Variants in FKBP5 observed in about 807,000 individuals in gnomAD.
The protein encoded by FKBP5 is peptidyl-prolyl cis-trans isomerase FKBP5.
A neutral mutation model predicts 50.5 loss-of-function variants in FKBP5; 23 were observed. The ratio of observed to expected loss-of-function variants is 0.46; its 90% CI spans 0.33 to 0.65. The LOEUF (loss-of-function observed/expected upper bound fraction) is 0.65, where lower values mean the gene tolerates loss of function less well. FKBP5 is among the 30% of genes least tolerant of loss of function. The pLI is 0.02. For missense variants in FKBP5, 411 were observed against 553.1 expected, an observed-to-expected ratio of 0.74 and a Z score of 2.58; for synonymous variants, 176 against 190.6, an observed-to-expected ratio of 0.92 and a Z score of 0.63.
At chr6:35,684,441 G>T (rs1765766051) in intron 1 of FKBP5, among the ~76,000 whole-genome samples, 2 of 152,184 alleles carry the variant, frequency 1.3e-5, no homozygotes, top group African/African-American at 4.8e-5. Flanking sequence ...GCCTCCCAAA[G>T]TGCTGGCATT....
rs533317065 is a variant in FKBP5, at chr6:35,605,348, T to C, written c.509-7944A>G. ...CAATAAACTAAGCATCAAAGGAACA[T>C]ACTTCAAAATAATAAGAGCCACCTA... On this transcript the variant is annotated intron_variant, in intron 5 of 10. Coordinates refer to ENST00000357266, the MANE Select transcript of FKBP5 (RefSeq NM_004117.4). 4.2e-4 allele frequency among the ~76,000 whole-genome samples: 60 copies of C among 141,908 alleles called. 1 individual carries two copies. The highest frequency in any genetic ancestry group is 2.4e-3 in the Admixed American group (34 of 14,168). 93.1% of individuals were successfully genotyped at this position (141,908 alleles called of 152,430 possible).
intron 6 of FKBP5, among the ~76,000 whole-genome samples, chr6:35,593,977 A>G (rs997032177): frequency 6.6e-6 from 1 of 152,226 alleles, no homozygotes; most frequent in African/African-American, 2.4e-5. Flanking sequence ...TCAGTATTTA[A>G]AACAATACAA....
chr6:35,619,355 G>T, intron 4 of FKBP5, 145 bp from the exon 5 acceptor site: 13 of 457,698 alleles, frequency 2.8e-5, no homozygotes, highest in Non-Finnish European at 4.2e-5. Context: ...TTAATTATTG[G>T]AAAAGTAGCA....
intron 1 of FKBP5, among the ~76,000 whole-genome samples, chr6:35,654,967 G>A (rs558634032): frequency 6.6e-6 from 1 of 152,148 alleles, no homozygotes; most frequent in East Asian, 1.9e-4. Flanking sequence ...TGGGAGGGTC[G>A]CTTGAGCCCA....
At chr6:35,719,511 GA>G (rs1766568265) in intron 2 of FKBP5, among the ~76,000 whole-genome samples, 1 of 152,200 alleles carries the variant, frequency 6.6e-6, no homozygotes, top group African/African-American at 2.4e-5. Context: ...GCATCTAAAA[GA>G]TACACATACA....
intron 1 of FKBP5, among the ~76,000 whole-genome samples, chr6:35,666,629 G>A (rs1269560435): frequency 2.6e-5 from 4 of 152,030 alleles, no homozygotes; most frequent in Non-Finnish European, 4.4e-5. Flanking sequence ...GGTGGCTCAC[G>A]CCTGTAATCC....
chr6:35,701,107 C>G (rs1484683308), intron 2 of FKBP5, among the ~76,000 whole-genome samples: 1 of 152,022 alleles, frequency 6.6e-6, no homozygotes, highest in East Asian at 1.9e-4. Context: ...AAAAAGTATT[C>G]AGTGTTTATC....
chr6:35,639,846 C>G (rs1281610591), intron 2 of FKBP5, among the ~76,000 whole-genome samples: 1 of 152,188 alleles, frequency 6.6e-6, no homozygotes, highest in East Asian at 1.9e-4. Context: ...TATTAAAACT[C>G]AGCATCCTGG....
Position 35,640,873 on chromosome 6 carries a change from C to T in FKBP5, c.105+1847G>A, listed in dbSNP as rs951247556. Among the ~76,000 whole-genome samples, 5 of 152,178 alleles carry T rather than the reference C, an allele frequency of 3.3e-5. No individual in the cohort carries two copies. The East Asian group carries it at 9.6e-4, about 29-fold the overall frequency. On this transcript the variant is annotated intron_variant, in intron 2 of 10. Transcript: ENST00000357266. The stretch of plus-strand genomic sequence containing the variant: ...CTGTCTTCCACCAACACATCTTGTC[C>T]CACTGGAAGGTCTTCAGGACAGTAA...
At chr6:35,642,565 T>A (rs1764522496) in intron 2 of FKBP5, among the ~76,000 whole-genome samples, 155 bp downstream of exon 2, 1 of 152,082 alleles carries the variant, frequency 6.6e-6, no homozygotes, top group Admixed American at 6.5e-5. Flanking sequence ...AAAAAAACCT[T>A]GAAGTTATGA....
intron 2 of FKBP5, among the ~76,000 whole-genome samples, chr6:35,641,905 A>C (rs906133137): frequency 1.3e-5 from 2 of 151,984 alleles, no homozygotes; most frequent in African/African-American, 4.8e-5. Flanking sequence ...CTGAGGCAGA[A>C]TTGCTTGAAT....
chr6:35,670,903 T>C (rs1765369086), intron 1 of FKBP5, among the ~76,000 whole-genome samples: 1 of 151,916 alleles, frequency 6.6e-6, no homozygotes, highest in African/African-American at 2.4e-5. Flanking sequence ...CACATACACA[T>C]GAAAATATCT....
chr6:35,621,550 G>A lies in FKBP5; in HGVS notation c.251-1276C>T, dbSNP rs186504472. On this transcript the variant is annotated intron_variant, in intron 3 of 10. Transcript: ENST00000357266. The stretch of plus-strand genomic sequence containing the variant: ...GGAGAATTGCTTGAACCTGGGAGGC[G>A]GAGGTTGCAGTGAGTAGAGATCATG... Among the ~76,000 whole-genome samples the A allele has an allele frequency of 6.9e-4, 105 of 151,630 alleles. 1 individual carries two copies. The highest frequency in any genetic ancestry group is 6.0e-4 in the Non-Finnish European group (41 of 67,898).
intron 1 of FKBP5, among the ~76,000 whole-genome samples, chr6:35,644,152 C>CA (rs1764568021): frequency 6.6e-6 from 1 of 152,180 alleles, no homozygotes; most frequent in Non-Finnish European, 1.5e-5. Flanking sequence ...AGTCACCTGA[C>CA]AGACATTTTT....
intron 2 of FKBP5, among the ~76,000 whole-genome samples, chr6:35,717,459 G>C (rs922866025): frequency 6.6e-6 from 1 of 152,274 alleles, no homozygotes; most frequent in Non-Finnish European, 1.5e-5. Flanking sequence ...GTATGCATCT[G>C]TGTGTATGCA....
chr6:35,662,370 G>A (rs1211017687), intron 1 of FKBP5, among the ~76,000 whole-genome samples: 1 of 151,494 alleles, frequency 6.6e-6, no homozygotes, highest in East Asian at 1.9e-4. Context: ...AACCTGCCAG[G>A]CTCAAATAGT....
intron 1 of FKBP5, among the ~76,000 whole-genome samples, chr6:35,655,690 A>C (rs1470292468): frequency 6.6e-6 from 1 of 152,228 alleles, no homozygotes; most frequent in East Asian, 1.9e-4. Context: ...CACCATAAAG[A>C]ATCAGTGCTG....
chr6:35,573,751 G>C lies in FKBP5; in HGVS notation c.*2084C>G, dbSNP rs1305231781. The C allele has an allele frequency of 6.6e-6, 1 of 152,066 alleles. No homozygotes were observed. The highest frequency in any genetic ancestry group is 2.4e-5 in the African/African-American group (1 of 41,404). 9.4% of individuals were successfully genotyped at this position (152,066 alleles called of 1,614,324 possible). A position where few individuals can be genotyped will look rare whatever the true frequency, so the allele number is the denominator to read the frequency against. On this transcript the variant is annotated 3_prime_UTR_variant, in exon 11 of 11. Coordinates refer to ENST00000357266, the MANE Select transcript of FKBP5 (RefSeq NM_004117.4). The stretch of plus-strand genomic sequence containing the variant: ...ATGTCTGTGGACTTCTACACAAATT[G>C]TTTAAGATTATTGAATTTGATACAA...
At chr6:35,721,153 A>G (rs1766602791) in intron 1 of FKBP5, among the ~76,000 whole-genome samples, 3 of 151,994 alleles carry the variant, frequency 2.0e-5, no homozygotes, top group Non-Finnish European at 2.9e-5. Flanking sequence ...GGAGTTTGAG[A>G]CCACGCTGGC....
Sources: gnomAD v4.1 joint callset for allele counts (sites outside exome capture counted in the v4.1 genomes callset) on GRCh38, gnomAD v4.1.1 for gene constraint, MANE v1.5 for transcripts, NCBI Gene and HGNC (gene_info 2026-07-23, HGNC 2026-07-21) for gene names.